The following HDGFL3 variants were observed in gnomAD, a reference collection of about 807,000 sequenced individuals.
The protein encoded by HDGFL3 is hepatoma-derived growth factor-related protein 3.
A neutral mutation model predicts 27.6 loss-of-function variants in HDGFL3; 6 were observed. The observed-to-expected ratio is 0.22, with a 90% CI of 0.12 to 0.43. HDGFL3 has a LOEUF of 0.43. HDGFL3 is among the 20% of genes least tolerant of loss of function. HDGFL3 has a pLI of 1.00. For synonymous variants in HDGFL3, 88 were observed against 88.9 expected, an observed-to-expected ratio of 0.99 and a Z score of 0.05; for missense variants, 207 against 250.1, an observed-to-expected ratio of 0.83 and a Z score of 1.16.
chr15:83,117,827 G>T (rs2034812226), intron 3 of HDGFL3, among the ~76,000 whole-genome samples: 3 of 152,130 alleles, frequency 2.0e-5, no homozygotes, highest in Non-Finnish European at 4.4e-5. Context: ...TATCTGGCAG[G>T]AGGAGTGTCA....
At chr15:83,192,707 T>C (rs2037526490) in intron 1 of HDGFL3, among the ~76,000 whole-genome samples, 1 of 152,186 alleles carries the variant, frequency 6.6e-6, no homozygotes, top group African/African-American at 2.4e-5. Context: ...TAAAACAAAA[T>C]CTTAAGTTTT....
intron 4 of HDGFL3, among the ~76,000 whole-genome samples, chr15:83,155,008 C>A (rs907742739): frequency 1.3e-5 from 2 of 152,152 alleles, no homozygotes; most frequent in East Asian, 3.9e-4. Flanking sequence ...AGCTGGACTA[C>A]AGGTGTGAGC....
intron 2 of HDGFL3, 24 bp downstream of exon 2, chr15:83,163,956 CAGAGTCAAGCTAGAGCTGT>C (rs747714807): frequency 5.8e-6 from 7 of 1,214,226 alleles, no homozygotes; most frequent in Non-Finnish European, 8.6e-6. Context: ...TGTAGCATAG[CAGAGTCAAGCTAGAGCTGT>C]TGAAACTATT....
intron 1 of HDGFL3, among the ~76,000 whole-genome samples, chr15:83,206,929 C>T (rs1330771778): frequency 6.6e-6 from 1 of 152,188 alleles, no homozygotes; most frequent in Non-Finnish European, 1.5e-5. Flanking sequence ...GACAGCCGCT[C>T]ACCCCGCTGC....
intron 1 of HDGFL3, among the ~76,000 whole-genome samples, chr15:83,181,184 T>C (rs1483943192): frequency 2.0e-5 from 3 of 152,204 alleles, no homozygotes; most frequent in African/African-American, 4.8e-5. Context: ...GAGGTCATGA[T>C]ATACCTAGAA....
intron 1 of HDGFL3, among the ~76,000 whole-genome samples, chr15:83,185,241 C>G (rs796674934): frequency 3.3e-5 from 5 of 152,284 alleles, no homozygotes; most frequent in African/African-American, 1.2e-4. Flanking sequence ...CCAGGCTGGT[C>G]TCGAACTCCT....
downstream of HDGFL3, among the ~76,000 whole-genome samples, chr15:83,127,000 G>A (rs562244144): frequency 1.3e-5 from 2 of 152,300 alleles, no homozygotes; most frequent in East Asian, 3.9e-4. Context: ...AAACCAGCCT[G>A]GCCAGCATGG....
intron 1 of HDGFL3, among the ~76,000 whole-genome samples, chr15:83,189,815 G>C (rs1436359232): frequency 6.6e-6 from 1 of 152,050 alleles, no homozygotes; most frequent in African/African-American, 2.4e-5. Flanking sequence ...AATTGCAAAG[G>C]TACTCTGATT....
At chr15:83,120,861 C>G (rs564655077) in intron 3 of HDGFL3, among the ~76,000 whole-genome samples, 1 of 151,474 alleles carries the variant, frequency 6.6e-6, no homozygotes, top group South Asian at 2.1e-4. Flanking sequence ...CCACCGTGCC[C>G]GGCTCCAGCT....
chr15:83,182,971 G>A (rs1278635788), intron 1 of HDGFL3, among the ~76,000 whole-genome samples: 3 of 152,174 alleles, frequency 2.0e-5, no homozygotes, highest in Non-Finnish European at 2.9e-5. Context: ...GGTGTTCACC[G>A]TGATATTCAA....
Position 83,207,250 on chromosome 15 carries a change from C to T in HDGFL3, c.84+81G>A. The T allele has an allele frequency of 1.0e-6, 1 of 988,496 alleles. No individual in the cohort carries two copies. The highest frequency in any genetic ancestry group is 1.3e-6 in the Non-Finnish European group (1 of 745,076). The allele number at this position is 988,496 out of a possible 1,614,324, so 61.2% of individuals were successfully genotyped here. A position where few individuals can be genotyped will look rare whatever the true frequency, so the allele number is the denominator to read the frequency against. On this transcript the variant is annotated intron_variant, in intron 1 of 5. Transcript: ENST00000299633. The surrounding 1 kb of genome is among the most constrained non-coding windows in gnomAD (Gnocchi z 4.8). Reference sequence around the variant, plus strand: ...GCGAGCTGCGGGCTCGGGGCTGAGGCGATGGGGAAAGGGGGCGGGCGCGCC... The same window carrying T: ...GCGAGCTGCGGGCTCGGGGCTGAGGTGATGGGGAAAGGGGGCGGGCGCGCC...
chr15:83,119,770 A>T (rs2151356684), intron 3 of HDGFL3: 1 of 1,583,986 alleles, frequency 6.3e-7, no homozygotes, highest in East Asian at 2.2e-5. Flanking sequence ...AGGCAAATAC[A>T]CAAGCAGGTA....
At chr15:83,195,434 A>G (rs981741212) in intron 1 of HDGFL3, among the ~76,000 whole-genome samples, 5 of 151,084 alleles carry the variant, frequency 3.3e-5, no homozygotes, top group African/African-American at 1.2e-4. Flanking sequence ...AAAAAATAAA[A>G]GAAAAATATT....
At chr15:83,154,206 T>C (rs1021606261) in intron 4 of HDGFL3, among the ~76,000 whole-genome samples, 1 of 150,764 alleles carries the variant, frequency 6.6e-6, no homozygotes, top group Non-Finnish European at 1.5e-5. Context: ...TGTGGTGATG[T>C]ACGCCCGTGG....
chr15:83,122,672 T>G, intron 3 of HDGFL3: 2 of 1,491,478 alleles, frequency 1.3e-6, no homozygotes, highest in Non-Finnish European at 1.8e-6. Flanking sequence ...AAATTTTAGA[T>G]GACCTGAGAT....
intron 1 of HDGFL3, among the ~76,000 whole-genome samples, chr15:83,202,500 A>AT (rs1567179302): frequency 6.6e-6 from 1 of 152,128 alleles, no homozygotes. Context: ...AGTTTCTATA[A>AT]TAAGTCAAAA....
At chr15:83,201,521 T>C (rs2037646444) in intron 1 of HDGFL3, among the ~76,000 whole-genome samples, 2 of 152,138 alleles carry the variant, frequency 1.3e-5, no homozygotes, top group South Asian at 4.1e-4. Context: ...AATAAATATA[T>C]TCGGGCTAGT....
At chr15:83,202,166 TTCATAA>T (rs891785573) in intron 1 of HDGFL3, among the ~76,000 whole-genome samples, 32 of 152,142 alleles carry the variant, frequency 2.1e-4, no homozygotes, top group African/African-American at 6.5e-4. Context: ...ATGGAAACAC[TTCATAA>T]TCATGTTTTA....
At position 83,130,136 on chromosome 15, in the gene HDGFL3, T is replaced by G. The variant is rs897609331; in HGVS notation, c.*9134A>C. On this transcript the variant is annotated 3_prime_UTR_variant, in exon 6 of 6. Coordinates refer to ENST00000299633, the MANE Select transcript of HDGFL3 (RefSeq NM_016073.4). ...CAGCAGGCTGGTTAAAGAGACCAGA[T>G]GTTGGACCTGGTCAAGTCTCAGGAG... 1.3e-5 allele frequency: 2 copies of G among 152,372 alleles called. No homozygotes were observed. Among genetic ancestry groups the G allele is most frequent in the Admixed American group, 1.3e-4 (2 of 15,302 alleles). 9.4% of individuals were successfully genotyped at this position (152,372 alleles called of 1,614,324 possible). A position where few individuals can be genotyped will look rare whatever the true frequency, so the allele number is the denominator to read the frequency against.
Sources: gnomAD v4.1 joint callset for allele counts (sites outside exome capture counted in the v4.1 genomes callset) on GRCh38, gnomAD v4.1.1 for gene constraint, Gnocchi (gnomAD v3.1) non-coding constraint, MANE v1.5 for transcripts, NCBI Gene and HGNC (gene_info 2026-07-23, HGNC 2026-07-21) for gene names.